The following HECW2 variants were observed in gnomAD, a reference collection of about 807,000 sequenced individuals.
The protein encoded by HECW2 is E3 ubiquitin-protein ligase HECW2.
In HECW2, 61 loss-of-function variants were observed where a neutral mutation model predicts 175.2. The observed-to-expected ratio is 0.35, with a 90% CI of 0.28 to 0.43. The LOEUF (loss-of-function observed/expected upper bound fraction) is 0.43, where lower values mean the gene tolerates loss of function less well. Among genes scored for constraint, HECW2 ranks in the 20% least tolerant of loss-of-function variants. HECW2 has a pLI of 1.00. For missense variants in HECW2, 1,524 were observed against 2,000.5 expected, an observed-to-expected ratio of 0.76 and a Z score of 4.54; for synonymous variants, 671 against 731.0, an observed-to-expected ratio of 0.92 and a Z score of 1.32.
At chr2:196,462,166 G>A (rs1177784367) in intron 1 of HECW2, among the ~76,000 whole-genome samples, 2 of 151,862 alleles carry the variant, frequency 1.3e-5, no homozygotes, top group Non-Finnish European at 2.9e-5. Context: ...AAGGCAAAAA[G>A]TTATAATAAT....
At chr2:196,443,639 T>C (rs763582077) in intron 1 of HECW2, among the ~76,000 whole-genome samples, 1 of 152,188 alleles carries the variant, frequency 6.6e-6, no homozygotes, top group Non-Finnish European at 1.5e-5. Context: ...TAAACATACA[T>C]GAAGTCATAG....
chr2:196,229,389 T>C (rs1176973077), intron 21 of HECW2, among the ~76,000 whole-genome samples: 1 of 152,068 alleles, frequency 6.6e-6, no homozygotes, highest in Non-Finnish European at 1.5e-5. Context: ...GCAGGGCATG[T>C]TGGCTCATGC....
chr2:196,455,888 G>GA (rs11378947), intron 1 of HECW2, among the ~76,000 whole-genome samples: 20,028 of 151,272 alleles, frequency 0.13, 1,789 homozygotes, highest in African/African-American at 0.26. Context: ...ATAAATAACA[G>GA]AAAAAATTAG....
At chr2:196,499,851 G>C (rs966661477) in intron 1 of HECW2, among the ~76,000 whole-genome samples, 6 of 151,822 alleles carry the variant, frequency 4.0e-5, no homozygotes, top group Non-Finnish European at 4.4e-5. Context: ...TTTCCTCAAG[G>C]GTTTTATTTA....
chr2:196,473,705 A>G (rs866214242), intron 1 of HECW2, among the ~76,000 whole-genome samples: 1 of 152,208 alleles, frequency 6.6e-6, no homozygotes, highest in African/African-American at 2.4e-5. Flanking sequence ...ATAACTGCCA[A>G]CCAGTGCAGT....
intron 1 of HECW2, among the ~76,000 whole-genome samples, chr2:196,434,156 T>A (rs1695800765): frequency 6.6e-6 from 1 of 152,216 alleles, no homozygotes; most frequent in Admixed American, 6.5e-5. Context: ...AGGCAGGGAT[T>A]TTCATCTGTT....
intron 2 of HECW2, among the ~76,000 whole-genome samples, chr2:196,353,606 C>T (rs570043779): frequency 6.6e-6 from 1 of 152,148 alleles, no homozygotes; most frequent in Non-Finnish European, 1.5e-5. Context: ...AGGGGCGAAT[C>T]CCTGATGAAA....
In HECW2 at chr2:196,274,116, TCTC is replaced by T. The variant is rs1481941475; in HGVS notation, c.3140_3142del (p.Gly1047del). 2 of 1,613,024 alleles carry T rather than the reference TCTC, an allele frequency of 1.2e-6. No individual in the cohort carries two copies. Among genetic ancestry groups the T allele is most frequent in the East Asian group, 2.2e-5 (1 of 44,890 alleles). ...TGGTGGTCCTGCATGTCGAGAATCTTCTCCTACCTGCAAACAGAAGCATCATTT... is the reference window on the plus strand; with the variant it reads ...TGGTGGTCCTGCATGTCGAGAATCTTCTACCTGCAAACAGAAGCATCATTT... On this transcript the variant is annotated inframe_deletion, in exon 16 of 29. Coordinates refer to ENST00000644978, the MANE Select transcript of HECW2 (RefSeq NM_001348768.2).
chr2:196,254,779 T>C (rs928662814), intron 18 of HECW2, among the ~76,000 whole-genome samples: 1 of 152,212 alleles, frequency 6.6e-6, no homozygotes, highest in Non-Finnish European at 1.5e-5. Flanking sequence ...ATTCAGACTT[T>C]TGGACTCTTA....
chr2:196,523,250 G>A (rs944319841), intron 1 of HECW2, among the ~76,000 whole-genome samples: 1 of 151,962 alleles, frequency 6.6e-6, no homozygotes. Flanking sequence ...GTGAATGGGA[G>A]TTCACTCATC....
intron 1 of HECW2, among the ~76,000 whole-genome samples, chr2:196,532,213 G>T (rs1311233486): frequency 6.6e-6 from 1 of 152,186 alleles, no homozygotes; most frequent in Non-Finnish European, 1.5e-5. Context: ...CAATAGCAAA[G>T]ACTTGGAACC....
intron 1 of HECW2, among the ~76,000 whole-genome samples, chr2:196,483,910 A>C (rs1185897042): frequency 6.6e-6 from 1 of 152,210 alleles, no homozygotes; most frequent in African/African-American, 2.4e-5. Context: ...ACATGACATT[A>C]ATGAGACCAA....
intron 19 of HECW2, among the ~76,000 whole-genome samples, chr2:196,246,712 C>A (rs1688659884): frequency 6.6e-6 from 1 of 151,942 alleles, no homozygotes; most frequent in South Asian, 2.1e-4. Flanking sequence ...TTTTTAAGAG[C>A]TGATTACTTT....
chr2:196,589,523 C>G (rs190054246), intron 1 of HECW2, among the ~76,000 whole-genome samples: 139 of 152,270 alleles, frequency 9.1e-4, no homozygotes, highest in African/African-American at 3.1e-3. Flanking sequence ...CTCTGCGACC[C>G]CTCTGTATGA....
intron 2 of HECW2, among the ~76,000 whole-genome samples, chr2:196,396,574 G>A (rs1424057876): frequency 1.3e-5 from 2 of 152,196 alleles, no homozygotes; most frequent in African/African-American, 2.4e-5. Flanking sequence ...AATGTTCAAC[G>A]CAAGCTATCA....
At chr2:196,465,865 C>T (rs1296592693) in intron 1 of HECW2, among the ~76,000 whole-genome samples, 1 of 152,004 alleles carries the variant, frequency 6.6e-6, no homozygotes, top group Non-Finnish European at 1.5e-5. Flanking sequence ...CAATCATTCC[C>T]CTTTCTTTAG....
intron 2 of HECW2, among the ~76,000 whole-genome samples, chr2:196,396,887 G>GTC: frequency 6.6e-6 from 1 of 152,036 alleles, no homozygotes; most frequent in Non-Finnish European, 1.5e-5. Context: ...CGAGGCGGAC[G>GTC]GATCACGAGG....
chr2:196,477,873 G>A (rs968368538), intron 1 of HECW2, among the ~76,000 whole-genome samples: 3 of 152,078 alleles, frequency 2.0e-5, no homozygotes, highest in Admixed American at 6.5e-5. Flanking sequence ...CCAACATGGC[G>A]AAACCCCGTC....
intron 1 of HECW2, among the ~76,000 whole-genome samples, chr2:196,557,373 C>T (rs10194885): frequency 0.048 from 7,185 of 148,640 alleles, 564 homozygotes; most frequent in African/African-American, 0.17. Context: ...CCAGCCTGGG[C>T]AACAAGAGCA....
Sources: gnomAD v4.1 joint callset for allele counts (sites outside exome capture counted in the v4.1 genomes callset) on GRCh38, gnomAD v4.1.1 for gene constraint, MANE v1.5 for transcripts, NCBI Gene and HGNC (gene_info 2026-07-23, HGNC 2026-07-21) for gene names.